Variants in PNPLA7 observed in about 807,000 individuals in gnomAD.
PNPLA7 encodes patatin like domain 7, lysophospholipase.
A neutral mutation model predicts 161.7 loss-of-function variants in PNPLA7; 153 were observed. That is an observed-to-expected ratio of 0.95 (90% confidence interval 0.83 to 1.08). The LOEUF (loss-of-function observed/expected upper bound fraction) is 1.08, where lower values mean the gene tolerates loss of function less well. Among genes scored for constraint, PNPLA7 ranks in the 50% least tolerant of loss-of-function variants. The pLI, the probability that PNPLA7 is intolerant of heterozygous loss-of-function variation, is 0.00. For missense variants in PNPLA7, 1,739 were observed against 1,856.6 expected (o/e 0.94, Z 1.16); for synonymous variants, 809 against 782.1 (o/e 1.03, Z -0.57).
chr9:137,465,503 A>T lies in PNPLA7; in HGVS notation c.3040-1047T>A, dbSNP rs116363280. On this transcript the variant is annotated intron_variant, in intron 26 of 34. Transcript: ENST00000406427. ...GACCGGCTCGGAGCCACCTCTGCCC[A>T]TGGCGGGTTCTGTCCCGAGGACGCT... 5.0e-3 allele frequency among the ~76,000 whole-genome samples: 769 copies of T among 152,308 alleles called. 7 individuals are homozygous for T. The highest frequency in any genetic ancestry group is 0.017 in the African/African-American group (725 of 41,572).
intron 14 of PNPLA7, among the ~76,000 whole-genome samples, chr9:137,502,694 G>C (rs7034619): frequency 0.012 from 179 of 14,698 alleles, 2 homozygotes; most frequent in African/African-American, 0.027. Flanking sequence ...GAGGGGGACG[G>C]GGGGGACGCG....
At chr9:137,545,225 G>T (rs1836430845) in intron 4 of PNPLA7, among the ~76,000 whole-genome samples, 2 of 152,176 alleles carry the variant, frequency 1.3e-5, no homozygotes, top group Non-Finnish European at 2.9e-5. Context: ...AGGGATCTGT[G>T]TCTAGGTTCC....
chr9:137,538,298 C>A (rs1836001503), intron 8 of PNPLA7, among the ~76,000 whole-genome samples: 1 of 151,976 alleles, frequency 6.6e-6, no homozygotes, highest in Admixed American at 6.5e-5. Context: ...CGAGGTCCCA[C>A]CCACGCCTCC....
At chr9:137,521,511 G>C in intron 10 of PNPLA7, 125 bp downstream of exon 10, 5 of 876,254 alleles carry the variant, frequency 5.7e-6, no homozygotes, top group Non-Finnish European at 8.9e-6. Flanking sequence ...CCAGCAACTG[G>C]GAAGACCACA....
At position 137,513,133 on chromosome 9, in the gene PNPLA7, T is replaced by C. The variant is rs115859136; in HGVS notation, c.1225+2246A>G. 4.2e-3 allele frequency among the ~76,000 whole-genome samples: 644 copies of C among 152,314 alleles called. 6 individuals are homozygous for C. Among genetic ancestry groups the C allele is most frequent in the African/African-American group, 0.015 (617 of 41,578 alleles). On this transcript the variant is annotated intron_variant, in intron 12 of 34. Transcript: ENST00000406427. ...AAAAGATGAATTTCTTCCCTCATTC[T>C]TGCAGTATAAACTACAGATAAATGA...
At chr9:137,463,240 C>A in intron 29 of PNPLA7, 175 bp downstream of exon 29, 1 of 635,044 alleles carries the variant, frequency 1.6e-6, no homozygotes, top group Non-Finnish European at 2.8e-6. Flanking sequence ...CATGTACACG[C>A]GTGTGCATGT....
At chr9:137,513,650 G>T (rs1206229892) in intron 12 of PNPLA7, among the ~76,000 whole-genome samples, 2 of 152,122 alleles carry the variant, frequency 1.3e-5, no homozygotes, top group East Asian at 3.8e-4. Context: ...TGAAGGTCCC[G>T]TGGCGGCATT....
intron 20 of PNPLA7, chr9:137,492,123 G>C (rs1176169695): frequency 4.1e-6 from 4 of 985,212 alleles, no homozygotes; most frequent in Non-Finnish European, 3.6e-6. Flanking sequence ...GGTGAGAGAG[G>C]ACAGCCTGAG....
chr9:137,513,654 C>A (rs1043842453), intron 12 of PNPLA7, among the ~76,000 whole-genome samples: 23 of 152,164 alleles, frequency 1.5e-4, no homozygotes, highest in African/African-American at 4.1e-4. Flanking sequence ...GGTCCCGTGG[C>A]GGCATTTTCC....
intron 12 of PNPLA7, among the ~76,000 whole-genome samples, chr9:137,506,797 T>C (rs1588634365): frequency 6.6e-6 from 1 of 152,200 alleles, no homozygotes; most frequent in Admixed American, 6.5e-5. Context: ...TGAGGAAGGG[T>C]GCACGCTTTG....
chr9:137,466,046 T>C (rs1831445985), intron 26 of PNPLA7, among the ~76,000 whole-genome samples: 1 of 152,148 alleles, frequency 6.6e-6, no homozygotes, highest in Non-Finnish European at 1.5e-5. Flanking sequence ...CGCCCTGACC[T>C]GATCTCACAT....
chr9:137,500,952 C>T lies in PNPLA7; in HGVS notation c.1552-56G>A. 1 of 1,486,448 alleles carries T rather than the reference C, an allele frequency of 6.7e-7. No individual in the cohort carries two copies. Among genetic ancestry groups the T allele is most frequent in the South Asian group, 1.2e-5 (1 of 80,850 alleles). The allele number at this position is 1,486,448 out of a possible 1,614,324, so 92.1% of individuals were successfully genotyped here. The stretch of plus-strand genomic sequence containing the variant: ...CGAGTGGCCGCGGGCAGGACGGGGG[C>T]AGCTCTGGGCCCAGAGCGGACGATG... On this transcript the variant is annotated intron_variant, in intron 15 of 34. Coordinates refer to ENST00000406427, the MANE Select transcript of PNPLA7 (RefSeq NM_001098537.3). This position sits in a 1 kb window ranked among gnomAD's most constrained non-coding sequence, Gnocchi z 5.5.
chr9:137,480,302 C>T lies in PNPLA7; in HGVS notation c.2580+10G>A, dbSNP rs745893414. 9 of 1,610,264 alleles carry T rather than the reference C, an allele frequency of 5.6e-6. No homozygotes were observed. The highest frequency in any genetic ancestry group is 5.5e-5 in the South Asian group (5 of 90,882). On this transcript the variant is annotated intron_variant, in intron 23 of 34. Coordinates refer to ENST00000406427, the MANE Select transcript of PNPLA7 (RefSeq NM_001098537.3). ...CTCTCCCCAGCTCCACCGGCCCTCCCCGTGCTCACCTCGCCCACTGTGGGC... is the reference window on the plus strand; with the variant it reads ...CTCTCCCCAGCTCCACCGGCCCTCCTCGTGCTCACCTCGCCCACTGTGGGC...
chr9:137,461,475 C>G, intron 33 of PNPLA7, 61 bp downstream of exon 33: 1 of 1,512,922 alleles, frequency 6.6e-7, no homozygotes, highest in Non-Finnish European at 9.0e-7. Flanking sequence ...GGGGTTCAAG[C>G]CCAACACAGC....
At position 137,476,368 on chromosome 9, in the gene PNPLA7, A is replaced by C. The variant is rs912504496; in HGVS notation, c.2882+1666T>G. Among the ~76,000 whole-genome samples, 1 of 152,214 alleles carries C rather than the reference A, an allele frequency of 6.6e-6. No homozygotes were observed. The highest frequency in any genetic ancestry group is 2.4e-5 in the African/African-American group (1 of 41,460). ...CAGTGTCATAACAACACAGACAGTG[A>C]GTGCTGGCTAACTAGTGATGGGACC... On this transcript the variant is annotated intron_variant, in intron 25 of 34. Transcript: ENST00000406427. The surrounding 1 kb of genome is among the most constrained non-coding windows in gnomAD (Gnocchi z 4.5).
chr9:137,470,298 G>A (rs991085111), intron 25 of PNPLA7, among the ~76,000 whole-genome samples: 1 of 152,234 alleles, frequency 6.6e-6, no homozygotes, highest in East Asian at 1.9e-4. Context: ...TTACAGGTGT[G>A]AGGCACCGCG....
At chr9:137,509,109 G>T (rs139181391) in intron 12 of PNPLA7, 21 of 154,768 alleles carry the variant, frequency 1.4e-4, no homozygotes, top group African/African-American at 4.8e-4. Flanking sequence ...TAGCTGGTAC[G>T]AATGAGTTTA....
chr9:137,484,991 C>A (rs1832401659), intron 20 of PNPLA7, among the ~76,000 whole-genome samples: 1 of 152,172 alleles, frequency 6.6e-6, no homozygotes, highest in Admixed American at 6.5e-5. Flanking sequence ...GCTGCCTGGA[C>A]CTCATGCCTC....
rs964969328 is a variant in PNPLA7 at position 137,524,897 on chromosome 9, A to T, written c.748-2040T>A. 1.3e-5 allele frequency among the ~76,000 whole-genome samples: 2 copies of T among 152,204 alleles called. No homozygotes were observed. Among genetic ancestry groups the T allele is most frequent in the African/African-American group, 4.8e-5 (2 of 41,454 alleles). On this transcript the variant is annotated intron_variant, in intron 8 of 34. Coordinates refer to ENST00000406427, the MANE Select transcript of PNPLA7 (RefSeq NM_001098537.3). This position sits in a 1 kb window ranked among gnomAD's most constrained non-coding sequence, Gnocchi z 4.4. ...TCCGTGGATGCCTGTCTTCACCAGC[A>T]GTTGGTGCCACCATGTCGCATAATA...
Sources: gnomAD v4.1 joint callset for allele counts (sites outside exome capture counted in the v4.1 genomes callset) on GRCh38, gnomAD v4.1.1 for gene constraint, Gnocchi (gnomAD v3.1) non-coding constraint, MANE v1.5 for transcripts, NCBI Gene and HGNC (gene_info 2026-07-23, HGNC 2026-07-21) for gene names.